CPXM2: variants seen among roughly 807,000 people sequenced by gnomAD.
The protein encoded by CPXM2 is inactive carboxypeptidase-like protein X2.
CPXM2 carries 66 observed loss-of-function variants against 86.1 expected under a neutral mutation model. The ratio of observed to expected loss-of-function variants is 0.77; its 90% CI spans 0.63 to 0.94. The LOEUF is 0.94. Ranked by LOEUF, CPXM2 falls within the 40% of genes least tolerant of loss-of-function variation. The pLI, the probability that CPXM2 is intolerant of heterozygous loss-of-function variation, is 0.00. For missense variants in CPXM2, 948 were observed against 1,026.3 expected (o/e 0.92, Z 1.04); for synonymous variants, 388 against 400.2 (o/e 0.97, Z 0.36).
chr10:123,783,807 C>T (rs1013398876), intron 6 of CPXM2, among the ~76,000 whole-genome samples: 2 of 152,150 alleles, frequency 1.3e-5, no homozygotes, highest in African/African-American at 4.8e-5. Flanking sequence ...GGGCTTTATC[C>T]TTACAGAGGG....
At chr10:123,762,498 A>T (rs1057062242) in intron 10 of CPXM2, among the ~76,000 whole-genome samples, 1 of 152,202 alleles carries the variant, frequency 6.6e-6, no homozygotes, top group Non-Finnish European at 1.5e-5. Context: ...TGTTTGTAAA[A>T]GAGTGCCTTT....
chr10:123,784,863 A>G (rs1847014897), intron 6 of CPXM2, among the ~76,000 whole-genome samples: 1 of 152,240 alleles, frequency 6.6e-6, no homozygotes, highest in Non-Finnish European at 1.5e-5. Flanking sequence ...AGGGTCTGGA[A>G]GAAGGAAACA....
intron 4 of CPXM2, among the ~76,000 whole-genome samples, chr10:123,827,997 C>T (rs935209369): frequency 6.6e-6 from 1 of 151,964 alleles, no homozygotes; most frequent in Non-Finnish European, 1.5e-5. Context: ...GACCCTGTCT[C>T]TACAAAAAAT....
intron 2 of CPXM2, among the ~76,000 whole-genome samples, chr10:123,925,513 T>A (rs1945615363): frequency 6.6e-6 from 1 of 152,256 alleles, no homozygotes; most frequent in Non-Finnish European, 1.5e-5. Context: ...TGAATTTAAT[T>A]AAAATGCATA....
chr10:123,821,659 ATGT>A (rs1174642402), intron 4 of CPXM2, among the ~76,000 whole-genome samples: 3 of 152,218 alleles, frequency 2.0e-5, no homozygotes, highest in South Asian at 2.1e-4. Flanking sequence ...AATGGGGGTA[ATGT>A]TGTCCTCCAG....
At chr10:123,808,359 AAAC>A (rs57892592) in intron 4 of CPXM2, among the ~76,000 whole-genome samples, 23,182 of 150,182 alleles carry the variant, frequency 0.15, 1,875 homozygotes, top group East Asian at 0.32. Context: ...GGGCAAACAA[AAAC>A]AACAACAACA....
At chr10:123,886,325 A>C (rs1945177285) in intron 1 of CPXM2, among the ~76,000 whole-genome samples, 2 of 152,230 alleles carry the variant, frequency 1.3e-5, no homozygotes, top group African/African-American at 4.8e-5. Context: ...ATTTCCATCC[A>C]AAAGCCAAAT....
intron 6 of CPXM2, among the ~76,000 whole-genome samples, chr10:123,794,344 C>A (rs1281030700): frequency 6.6e-6 from 1 of 152,204 alleles, no homozygotes; most frequent in Non-Finnish European, 1.5e-5. Flanking sequence ...AGCTACTGGG[C>A]AGTTCCAGGG....
At chr10:123,873,790 A>G (rs1345192495) in intron 2 of CPXM2, among the ~76,000 whole-genome samples, 1 of 151,850 alleles carries the variant, frequency 6.6e-6, no homozygotes, top group African/African-American at 2.4e-5. Context: ...GGTACTTAGT[A>G]CTTGTCTTAG....
chr10:123,796,359 C>T (rs1319126617), intron 6 of CPXM2, among the ~76,000 whole-genome samples: 3 of 152,188 alleles, frequency 2.0e-5, no homozygotes, highest in Non-Finnish European at 4.4e-5. Context: ...ACTGAACTTC[C>T]AACCGTCTGA....
intron 2 of CPXM2, among the ~76,000 whole-genome samples, chr10:123,897,721 C>A (rs1945348851): frequency 6.6e-6 from 1 of 152,090 alleles, no homozygotes; most frequent in Non-Finnish European, 1.5e-5. Context: ...GCATGAAGCC[C>A]GAAAGACAAG....
At chr10:123,827,175 A>G (rs1300080256) in intron 4 of CPXM2, among the ~76,000 whole-genome samples, 4 of 152,200 alleles carry the variant, frequency 2.6e-5, no homozygotes, top group East Asian at 3.8e-4. Context: ...ACATTATCTG[A>G]TGCAATGAGA....
chr10:123,853,335 G>A (rs761177082), intron 3 of CPXM2, among the ~76,000 whole-genome samples: 6 of 152,198 alleles, frequency 3.9e-5, no homozygotes, highest in Non-Finnish European at 8.8e-5. Context: ...AGCAGTGAGA[G>A]AATGGACTAA....
chr10:123,937,467 AACAACACACACACAC>A (rs1283938051), intron 2 of CPXM2, among the ~76,000 whole-genome samples: 5 of 119,864 alleles, frequency 4.2e-5, no homozygotes, highest in African/African-American at 1.9e-4. Flanking sequence ...AAGACAACAA[AACAACACACACACAC>A]ACACACACAC....
At chr10:123,763,951 G>A (rs1302288303) in intron 10 of CPXM2, among the ~76,000 whole-genome samples, 1 of 152,052 alleles carries the variant, frequency 6.6e-6, no homozygotes, top group Non-Finnish European at 1.5e-5. Flanking sequence ...CAATGTATAA[G>A]AAATCTACTG....
intron 4 of CPXM2, among the ~76,000 whole-genome samples, chr10:123,818,918 C>A (rs1847868278): frequency 6.6e-6 from 1 of 152,144 alleles, no homozygotes; most frequent in Non-Finnish European, 1.5e-5. Context: ...GAAGTGGCAC[C>A]ACTCACCATC....
intron 3 of CPXM2, among the ~76,000 whole-genome samples, chr10:123,853,455 T>A (rs1241802423): frequency 2.0e-5 from 3 of 152,200 alleles, no homozygotes; most frequent in African/African-American, 4.8e-5. Flanking sequence ...ACCCAGCACA[T>A]CATAGGCCCC....
chr10:123,880,082 C>G (rs1219355059), intron 2 of CPXM2, 129 bp downstream of exon 2: 2 of 624,260 alleles, frequency 3.2e-6, no homozygotes, highest in African/African-American at 3.6e-5. Flanking sequence ...TCGGAATAGA[C>G]AGCAGGCCCC....
chr10:123,830,880 G>C (rs1483118737), intron 4 of CPXM2, among the ~76,000 whole-genome samples: 249 of 109,450 alleles, frequency 2.3e-3, no homozygotes, highest in East Asian at 7.4e-3. Context: ...CTCTGTGTGT[G>C]TGTGTGTGTG....
Sources: gnomAD v4.1 joint callset for allele counts (sites outside exome capture counted in the v4.1 genomes callset) on GRCh38, gnomAD v4.1.1 for gene constraint, MANE v1.5 for transcripts, NCBI Gene and HGNC (gene_info 2026-07-23, HGNC 2026-07-21) for gene names.